The following PLCD4 variants were observed in gnomAD, a reference collection of about 807,000 sequenced individuals.
The protein encoded by PLCD4 is 1-phosphatidylinositol 4,5-bisphosphate phosphodiesterase delta-4.
PLCD4 carries 63 observed loss-of-function variants against 90.2 expected under a neutral mutation model. That is an observed-to-expected ratio of 0.70 (90% CI 0.57 to 0.86). The LOEUF is 0.86. Ranked by LOEUF, PLCD4 falls within the 40% of genes least tolerant of loss-of-function variation. PLCD4 has a pLI of 0.00. For synonymous variants in PLCD4, 294 were observed against 356.5 expected (o/e 0.82, Z 1.97); for missense variants, 830 against 956.3 (o/e 0.87, Z 1.74).
In PLCD4 at chr2:218,616,714, C is replaced by CA. The variant is rs58967157; in HGVS notation, c.181+657dup. On this transcript the variant is annotated intron_variant, in intron 3 of 15. Transcript: ENST00000450993. ...CTGGGTGAGTGAGACCCTGTCTCTA[C>CA]AAAAATACATATATACATACATACA... Among the ~76,000 whole-genome samples the CA allele has an allele frequency of 3.8e-3, 352 of 92,320 alleles. 3 individuals are homozygous for CA. The highest frequency in any genetic ancestry group is 0.011 in the African/African-American group (336 of 31,030). 60.6% of individuals were successfully genotyped at this position (92,320 alleles called of 152,430 possible). A position where few individuals can be genotyped will look rare whatever the true frequency, so the allele number is the denominator to read the frequency against.
intron 14 of PLCD4, 54 bp from the exon 15 acceptor site, chr2:218,636,189 C>A: frequency 6.4e-7 from 1 of 1,565,958 alleles, no homozygotes; most frequent in Non-Finnish European, 8.8e-7. Context: ...AAAAGCAACC[C>A]AGTCAAGAAA....
chr2:218,626,584 C>A (rs1156915179), intron 6 of PLCD4, among the ~76,000 whole-genome samples: 1 of 152,176 alleles, frequency 6.6e-6, no homozygotes, highest in African/African-American at 2.4e-5. Flanking sequence ...TGAGATGCTG[C>A]GTGGAATGCC....
rs1695946955 is a variant in PLCD4 at position 218,622,825 on chromosome 2, GCAC to G, written c.721_723del (p.Thr241del). 6.2e-7 allele frequency: 1 copy of G among 1,613,924 alleles called. No individual in the cohort carries two copies. The highest frequency in any genetic ancestry group is 1.3e-5 in the African/African-American group (1 of 74,928). On this transcript the variant is annotated inframe_deletion, in exon 6 of 16. Coordinates refer to ENST00000450993, the MANE Select transcript of PLCD4 (RefSeq NM_032726.4). ...CAAGAGGAGCAGAAGGAGAGAGACT[GCAC>G]CTCTGAGCTTGCTCTGGAACTCATT...
chr2:218,623,226 C>G (rs547998327), intron 6 of PLCD4, among the ~76,000 whole-genome samples: 5 of 152,196 alleles, frequency 3.3e-5, no homozygotes, highest in Non-Finnish European at 5.9e-5. Flanking sequence ...CTTTCTTTGG[C>G]CTCTTCTCTA....
Position 218,618,634 on chromosome 2 carries a change from T to A in PLCD4, c.237T>A (p.Arg79=), listed in dbSNP as rs1275802594. The change falls in exon 4 of 16, where the codon CGT becomes CGA. Residue 79 remains arginine (R), a synonymous_variant. Coordinates refer to ENST00000450993, the MANE Select transcript of PLCD4 (RefSeq NM_032726.4). Reference sequence around the variant, plus strand: ...ATGGCCATGATTCCGAGTTGCTGCGTAGCCTGGCAGAGGAGCTCCCCCTGG... The same window carrying A: ...ATGGCCATGATTCCGAGTTGCTGCGAAGCCTGGCAGAGGAGCTCCCCCTGG... ...IRNGHDSELL[R]SLAEELPLEQ... 1 of 1,613,976 alleles carries A rather than the reference T, an allele frequency of 6.2e-7. No individual in the cohort carries two copies. Among genetic ancestry groups the A allele is most frequent in the African/African-American group, 1.3e-5 (1 of 74,960 alleles).
chr2:218,634,327 C>A lies in PLCD4; in HGVS notation c.1723+106C>A. On this transcript the variant is annotated intron_variant, in intron 12 of 15. Transcript: ENST00000450993. This position sits in a 1 kb window ranked among gnomAD's most constrained non-coding sequence, Gnocchi z 4.0. Reference sequence around the variant, plus strand: ...GGGAATGCTCAAGAAAATTGCTAGGCTGAGAAATGCTATCAGTGGATATTA... The same window carrying A: ...GGGAATGCTCAAGAAAATTGCTAGGATGAGAAATGCTATCAGTGGATATTA... 1 of 1,569,576 alleles carries A rather than the reference C, an allele frequency of 6.4e-7. No homozygotes were observed. Among genetic ancestry groups the A allele is most frequent in the Non-Finnish European group, 8.6e-7 (1 of 1,156,198 alleles).
chr2:218,616,295 G>A (rs759313445), intron 3 of PLCD4, among the ~76,000 whole-genome samples: 5 of 152,198 alleles, frequency 3.3e-5, no homozygotes, highest in Admixed American at 3.3e-4. Flanking sequence ...ATAGTAAGAT[G>A]TAATAAATCA....
rs550976085 is a variant in PLCD4 at position 218,629,722 on chromosome 2, G to C, written c.1119+59G>C. 113 of 1,575,440 alleles carry C rather than the reference G, an allele frequency of 7.2e-5. No homozygotes were observed. In the Middle Eastern group the frequency reaches 1.2e-3, roughly 17 times the overall value. On this transcript the variant is annotated intron_variant, in intron 8 of 15. Coordinates refer to ENST00000450993, the MANE Select transcript of PLCD4 (RefSeq NM_032726.4). ...CAGAAGGTCTGAGGGAAGAACGACT[G>C]GCTCTGGGTCTGGGGAGGGTGGAGG...
rs569090691 is a variant in PLCD4, at chr2:218,621,808, A to C, written c.540+209A>C. Among the ~76,000 whole-genome samples, 4 of 152,292 alleles carry C rather than the reference A, an allele frequency of 2.6e-5. No homozygotes were observed. The South Asian group carries it at 6.2e-4, about 24-fold the overall frequency. On this transcript the variant is annotated intron_variant, in intron 5 of 15. Coordinates refer to ENST00000450993, the MANE Select transcript of PLCD4 (RefSeq NM_032726.4). ...GAAAAGTCATAATTCGGCCGGGCGC[A>C]GTGGCTCATGCCTGTAATCCCAGCA...
Position 218,618,546 on chromosome 2 carries a change from C to T in PLCD4, c.182-33C>T, listed in dbSNP as rs777702017. On this transcript the variant is annotated intron_variant, in intron 3 of 15. Transcript: ENST00000450993. Reference sequence around the variant, plus strand: ...CCCCTGCTATTTGTTGGAATCCCTTCCTTAATGCCTCCACCTGTTTCTTCT... The same window carrying T: ...CCCCTGCTATTTGTTGGAATCCCTTTCTTAATGCCTCCACCTGTTTCTTCT... 1.3e-5 allele frequency: 20 copies of T among 1,588,318 alleles called. No homozygotes were observed. In the South Asian group the frequency reaches 1.4e-4, roughly 11 times the overall value.
At chr2:218,632,834 C>G (rs1696457976) in intron 10 of PLCD4, among the ~76,000 whole-genome samples, 1 of 152,072 alleles carries the variant, frequency 6.6e-6, no homozygotes, top group Non-Finnish European at 1.5e-5. Flanking sequence ...GCCAGAGGAG[C>G]AGGAAGGAGA....
At chr2:218,626,843 C>T (rs1370221614) in intron 6 of PLCD4, among the ~76,000 whole-genome samples, 1 of 152,202 alleles carries the variant, frequency 6.6e-6, no homozygotes, top group Non-Finnish European at 1.5e-5. Context: ...GTAACTTGGC[C>T]ATGTCACTAA....
At chr2:218,614,884 T>C (rs1695508830) in intron 1 of PLCD4, among the ~76,000 whole-genome samples, 1 of 152,186 alleles carries the variant, frequency 6.6e-6, no homozygotes, top group African/African-American at 2.4e-5. Flanking sequence ...GTATAAAATA[T>C]GCTTTACCAT....
intron 3 of PLCD4, among the ~76,000 whole-genome samples, chr2:218,618,042 G>A (rs576650690): frequency 8.2e-4 from 125 of 152,214 alleles, no homozygotes; most frequent in African/African-American, 2.9e-3. Flanking sequence ...AGCCGAGATC[G>A]CGCCACTGCA....
At position 218,631,570 on chromosome 2, in the gene PLCD4, G is replaced by T. The variant is rs1166457123; in HGVS notation, c.1273-566G>T. ...CCAGCACTTTGGGAGGCTGAGGCAG[G>T]TGGATCATGAAGTCAGGTGTTCAAG... On this transcript the variant is annotated intron_variant, in intron 9 of 15. Coordinates refer to ENST00000450993, the MANE Select transcript of PLCD4 (RefSeq NM_032726.4). Among the ~76,000 whole-genome samples, 12 of 152,152 alleles carry T rather than the reference G, an allele frequency of 7.9e-5. No individual in the cohort carries two copies. In the East Asian group the frequency reaches 2.1e-3, roughly 27 times the overall value.
intron 6 of PLCD4, among the ~76,000 whole-genome samples, chr2:218,626,621 C>G (rs2106147325): frequency 6.6e-6 from 1 of 152,306 alleles, no homozygotes; most frequent in Non-Finnish European, 1.5e-5. Context: ...TGCTTGATAA[C>G]TGTTAGTCAT....
Position 218,616,021 on chromosome 2 carries a change from T to C in PLCD4, c.140T>C (p.Val47Ala), listed in dbSNP as rs748003629. 2 of 1,613,984 alleles carry C rather than the reference T, an allele frequency of 1.2e-6. No homozygotes were observed. Among genetic ancestry groups the C allele is most frequent in the Non-Finnish European group, 1.7e-6 (2 of 1,179,884 alleles). ...YFRLQNDGMT[V>A]WHARQARGSA... ...AGACTTCAGAATGACGGCATGACAG[T>C]CTGGCATGCACGGCAGGCCAGGGGC... Residue 47 changes from valine (V) to alanine (A), a missense_variant, in exon 3 of 16, where the codon GTC (valine) becomes GCC (alanine). Val to Ala is a moderately conservative substitution (Grantham distance 64, BLOSUM62 0). Transcript: ENST00000450993.
Position 218,618,773 on chromosome 2 carries a change from G to A in PLCD4, c.376G>A (p.Val126Ile). 1 of 1,602,634 alleles carries A rather than the reference G, an allele frequency of 6.2e-7. No homozygotes were observed. The highest frequency in any genetic ancestry group is 8.5e-7 in the Non-Finnish European group (1 of 1,174,596). Reference protein sequence around the residue: ...MRGLQLLVDLVTSMDHQERLD... With the variant: ...MRGLQLLVDLITSMDHQERLD... ...AGGGCTCCAGCTGTTGGTGGATCTT[G>A]TCACCAGCATGGACCATCAGGAGCG... Residue 126 changes from valine (V) to isoleucine (I), a missense_variant, in exon 4 of 16, where the codon GTC (valine) becomes ATC (isoleucine). Physicochemically the swap from Val to Ile is conservative, Grantham distance 29. Coordinates refer to ENST00000450993, the MANE Select transcript of PLCD4 (RefSeq NM_032726.4).
chr2:218,636,388 A>G lies in PLCD4; in HGVS notation c.2178A>G (p.Gln726=). 6.2e-7 allele frequency: 1 copy of G among 1,613,994 alleles called. No homozygotes were observed. ...ACACCCTGCCTTGGACCTGCATGCA[A>G]CAAGGTGAGCCAGCCCCTTTGGCCC... ...GQYTLPWTCM[Q]QGYRHIHLLS... Residue 726 remains glutamine (Q), a synonymous_variant, in exon 15 of 16, where the codon CAA becomes CAG. Coordinates refer to ENST00000450993, the MANE Select transcript of PLCD4 (RefSeq NM_032726.4).
Sources: gnomAD v4.1 joint callset for allele counts (sites outside exome capture counted in the v4.1 genomes callset) on GRCh38, gnomAD v4.1.1 for gene constraint, Gnocchi (gnomAD v3.1) non-coding constraint, MANE v1.5 for transcripts, NCBI Gene and HGNC (gene_info 2026-07-23, HGNC 2026-07-21) for gene names.